The following RCSD1 variants were observed in gnomAD, a reference collection of about 807,000 sequenced individuals.
RCSD1 encodes the protein capZ-interacting protein.
Under a neutral mutation model 42.5 loss-of-function variants are expected in RCSD1, and 26 were observed. That is an observed-to-expected ratio of 0.61 (90% CI 0.45 to 0.85). RCSD1 has a LOEUF of 0.85. Ranked by LOEUF, RCSD1 falls within the 40% of genes least tolerant of loss-of-function variation. RCSD1 has a pLI of 0.00. For missense variants in RCSD1, 571 were observed against 528.3 expected, an observed-to-expected ratio of 1.08 and a Z score of -0.79; for synonymous variants, 220 against 212.2, an observed-to-expected ratio of 1.04 and a Z score of -0.32.
At chr1:167,677,886 G>A (rs1658988985) in intron 1 of RCSD1, among the ~76,000 whole-genome samples, 1 of 152,172 alleles carries the variant, frequency 6.6e-6, no homozygotes, top group African/African-American at 2.4e-5. Flanking sequence ...AAATTATGAG[G>A]GGGGTATGTC....
chr1:167,665,098 C>A (rs1658625299), intron 1 of RCSD1: 1 of 151,784 alleles, frequency 6.6e-6, no homozygotes, highest in African/African-American at 2.4e-5. Flanking sequence ...CCCAAAAGAC[C>A]CTTCACACTC....
intron 1 of RCSD1, among the ~76,000 whole-genome samples, chr1:167,639,099 C>A (rs954716050): frequency 6.6e-6 from 1 of 152,144 alleles, no homozygotes; most frequent in African/African-American, 2.4e-5. Flanking sequence ...CACCTGTAGT[C>A]CCAGCTACTT....
chr1:167,676,962 T>G (rs1373277907), intron 1 of RCSD1, among the ~76,000 whole-genome samples: 1 of 152,194 alleles, frequency 6.6e-6, no homozygotes, highest in Non-Finnish European at 1.5e-5. Context: ...GTCCTTTGTG[T>G]GAGTGGAGCA....
chr1:167,660,025 T>A (rs1658506331), intron 1 of RCSD1, among the ~76,000 whole-genome samples: 1 of 152,220 alleles, frequency 6.6e-6, no homozygotes, highest in Non-Finnish European at 1.5e-5. Context: ...TCAGGACAAG[T>A]GTTTTCTCTT....
chr1:167,639,223 A>G (rs1475632631), intron 1 of RCSD1, among the ~76,000 whole-genome samples: 8 of 125,288 alleles, frequency 6.4e-5, no homozygotes, highest in Non-Finnish European at 1.2e-4. Flanking sequence ...TCTCAAAACA[A>G]ACAAACAAAC....
In RCSD1 at chr1:167,685,459, T is replaced by C. The variant is rs199912427; in HGVS notation, c.147T>C (p.Cys49=). Residue 49 remains cysteine (C), a synonymous_variant, in exon 3 of 7, where the codon TGT becomes TGC. Transcript: ENST00000367854. ...ASKPTRRKPP[C]SLPLFPPKVD... ...AACCAACCCGAAGGAAACCGCCCTG[T>C]TCCCTCCCCCTGTTCCCCCCCAAGG... The C allele has an allele frequency of 6.8e-6, 11 of 1,612,960 alleles. No homozygotes were observed. Among genetic ancestry groups the C allele is most frequent in the African/African-American group, 2.7e-5 (2 of 74,958 alleles).
intron 1 of RCSD1, among the ~76,000 whole-genome samples, chr1:167,644,671 C>A (rs1658090185): frequency 6.6e-6 from 1 of 152,034 alleles, no homozygotes; most frequent in African/African-American, 2.4e-5. Context: ...CCACTTCCTC[C>A]CCCCACATAC....
intron 6 of RCSD1, 96 bp from the exon 7 acceptor site, chr1:167,704,568 C>G (rs1659713556): frequency 9.8e-7 from 1 of 1,025,420 alleles, no homozygotes; most frequent in Admixed American, 1.8e-5. Context: ...CCTACTGTTA[C>G]TATTATTGCC....
Position 167,708,076 on chromosome 1 carries a change from C to G in RCSD1, c.*3380C>G, listed in dbSNP as rs1467786917. ...TTCACCATTACTGTGGGGAAAAAGTCCTGTAGAGGCTTTCCATAGGCCCTG... is the reference window on the plus strand; with the variant it reads ...TTCACCATTACTGTGGGGAAAAAGTGCTGTAGAGGCTTTCCATAGGCCCTG... On this transcript the variant is annotated 3_prime_UTR_variant, in exon 7 of 7. Coordinates refer to ENST00000367854, the MANE Select transcript of RCSD1 (RefSeq NM_052862.4). Among the ~76,000 whole-genome samples the G allele has an allele frequency of 6.6e-6, 1 of 152,184 alleles. No individual in the cohort carries two copies. Among genetic ancestry groups the G allele is most frequent in the Non-Finnish European group, 1.5e-5 (1 of 68,034 alleles).
intron 1 of RCSD1, among the ~76,000 whole-genome samples, chr1:167,647,275 G>A (rs796611223): frequency 9.2e-5 from 14 of 152,248 alleles, no homozygotes; most frequent in African/African-American, 3.1e-4. Flanking sequence ...GGGAAGGCCT[G>A]CATGAGGCAT....
At chr1:167,685,289 T>G (rs1039079223) in intron 2 of RCSD1, 132 bp from the exon 3 acceptor site, 1 of 610,182 alleles carries the variant, frequency 1.6e-6, no homozygotes, top group African/African-American at 1.9e-5. Flanking sequence ...ATTCCTACAC[T>G]TCCCTAACAT....
intron 1 of RCSD1, among the ~76,000 whole-genome samples, chr1:167,675,692 T>C (rs1047853895): frequency 1.2e-4 from 18 of 152,228 alleles, no homozygotes; most frequent in African/African-American, 3.9e-4. Flanking sequence ...GCTGTATTTA[T>C]TTTTTAATTG....
intron 6 of RCSD1, among the ~76,000 whole-genome samples, chr1:167,699,049 C>T (rs1013856891): frequency 6.6e-6 from 1 of 152,110 alleles, no homozygotes; most frequent in African/African-American, 2.4e-5. Context: ...CCACCTGCCT[C>T]GGCCTCCCAA....
chr1:167,655,610 C>T (rs923625201), intron 1 of RCSD1, among the ~76,000 whole-genome samples: 2 of 152,200 alleles, frequency 1.3e-5, no homozygotes, highest in Non-Finnish European at 2.9e-5. Context: ...GTGCCCTCCA[C>T]CAGTCACCCT....
intron 1 of RCSD1, among the ~76,000 whole-genome samples, chr1:167,657,243 C>T (rs1049270141): frequency 6.6e-6 from 1 of 152,138 alleles, no homozygotes; most frequent in African/African-American, 2.4e-5. Flanking sequence ...CTGTTTATCA[C>T]CAGGGATATA....
chr1:167,639,165 A>G (rs1229388), intron 1 of RCSD1, among the ~76,000 whole-genome samples: 109,460 of 151,932 alleles, frequency 0.72, 39,489 homozygotes, highest in East Asian at 0.86. Flanking sequence ...TGCAGTGAGC[A>G]GAGATCACGC....
rs1366708691 is a variant in RCSD1 at position 167,656,483 on chromosome 1, T to C, written c.6+26054T>C. Among the ~76,000 whole-genome samples, 5 of 152,362 alleles carry C rather than the reference T, an allele frequency of 3.3e-5. No homozygotes were observed. The East Asian group carries it at 9.6e-4, about 29-fold the overall frequency. On this transcript the variant is annotated intron_variant, in intron 1 of 6. Coordinates refer to ENST00000367854, the MANE Select transcript of RCSD1 (RefSeq NM_052862.4). ...GTTCTTCTTTGTTTTCCTTTTTTAA[T>C]TGAGCAAATTTTTAAAATCAATAGA...
intron 1 of RCSD1, among the ~76,000 whole-genome samples, chr1:167,657,708 C>T (rs2102211606): frequency 6.6e-6 from 1 of 152,216 alleles, no homozygotes; most frequent in African/African-American, 2.4e-5. Flanking sequence ...CGTTGTTTTC[C>T]AGGTATTTGT....
At chr1:167,688,770 GTTC>G (rs1224991884) in intron 3 of RCSD1, among the ~76,000 whole-genome samples, 1 of 152,184 alleles carries the variant, frequency 6.6e-6, no homozygotes, top group Non-Finnish European at 1.5e-5. Context: ...GATCAGTGTA[GTTC>G]TTCTTATTGT....
Sources: allele counts gnomAD v4.1 joint callset (sites outside exome capture counted in the v4.1 genomes callset), GRCh38; gene constraint gnomAD v4.1.1; transcripts MANE v1.5; gene names NCBI Gene and HGNC (gene_info 2026-07-23, HGNC 2026-07-21).